The following CDH23 variants were observed in gnomAD, a reference collection of about 807,000 sequenced individuals.
The protein encoded by CDH23 is cadherin-23.
Under a neutral mutation model 317.1 loss-of-function variants are expected in CDH23, and 189 were observed. That is an observed-to-expected ratio of 0.60 (90% CI 0.53 to 0.67). The LOEUF is 0.67. CDH23 is among the 30% of genes least tolerant of loss of function. The pLI, the probability that CDH23 is intolerant of heterozygous loss-of-function variation, is 0.00. For synonymous variants in CDH23, 1,839 were observed against 1,876.8 expected (o/e 0.98, Z 0.52); for missense variants, 4,401 against 4,592.4 (o/e 0.96, Z 1.20).
chr10:71,516,753 G>A (rs1854353914), intron 6 of CDH23, among the ~76,000 whole-genome samples: 1 of 152,188 alleles, frequency 6.6e-6, no homozygotes, highest in Non-Finnish European at 1.5e-5. Flanking sequence ...CAAAGGGATG[G>A]AGCCAGGATT....
intron 38 of CDH23, chr10:71,761,622 C>T (rs1840387116): frequency 2.5e-6 from 4 of 1,600,934 alleles, no homozygotes; most frequent in Non-Finnish European, 3.4e-6. Context: ...AGCTCCATGG[C>T]ACCATGGACC....
chr10:71,524,412 G>A (rs1452649152), intron 6 of CDH23, among the ~76,000 whole-genome samples: 3 of 152,202 alleles, frequency 2.0e-5, no homozygotes, highest in African/African-American at 7.2e-5. Flanking sequence ...GCTCAGAAGT[G>A]CGGTTCGAGC....
At chr10:71,711,525 C>G (rs1431325025) in intron 27 of CDH23, among the ~76,000 whole-genome samples, 1 of 152,100 alleles carries the variant, frequency 6.6e-6, no homozygotes, top group Non-Finnish European at 1.5e-5. Context: ...CTGCCTGGGG[C>G]TGAGTCAGTG....
intron 3 of CDH23, among the ~76,000 whole-genome samples, chr10:71,503,336 G>GATA (rs1853443780): frequency 6.6e-6 from 1 of 152,252 alleles, no homozygotes; most frequent in Non-Finnish European, 1.5e-5. Flanking sequence ...AAGTGCTACT[G>GATA]ATTTGGGTGT....
intron 6 of CDH23, among the ~76,000 whole-genome samples, chr10:71,526,395 C>T (rs78603603): frequency 0.022 from 3,372 of 152,310 alleles, 135 homozygotes; most frequent in African/African-American, 0.076. Flanking sequence ...AGGGACTTCC[C>T]CCGTTTCTGA....
chr10:71,730,597 A>C lies in CDH23; in HGVS notation c.3708A>C (p.Arg1236=). Residue 1236 remains arginine, a synonymous_variant, in exon 31 of 70, where the codon CGA becomes CGC. Transcript: ENST00000224721. ...TSVIVVQATD[R]DSGDGGLVNY... ...TCATCGTGGTCCAAGCCACAGACCG[A>C]GACTCTGGTGAGGCTGGCAGGAGGA... is the stretch of plus-strand genomic sequence containing the variant. 1 of 1,613,880 alleles carries C rather than the reference A, an allele frequency of 6.2e-7. No homozygotes were observed. Among genetic ancestry groups the C allele is most frequent in the Non-Finnish European group, 8.5e-7 (1 of 1,179,894 alleles).
chr10:71,679,311 C>T, intron 16 of CDH23, 76 bp from the exon 17 acceptor site: 7 of 688,724 alleles, frequency 1.0e-5, no homozygotes, highest in Non-Finnish European at 1.8e-5. Context: ...TCTTCCCCAC[C>T]CTCCCAGCTG....
In CDH23 at chr10:71,809,966, G is replaced by T. The variant is rs369587122; in HGVS notation, c.8869G>T (p.Val2957Phe). 3.1e-6 allele frequency: 5 copies of T among 1,612,014 alleles called. No individual in the cohort carries two copies. The highest frequency in any genetic ancestry group is 4.2e-6 in the Non-Finnish European group (5 of 1,179,898). Residue 2957 changes from valine to phenylalanine, a missense_variant, in exon 61 of 70, where the codon GTC becomes TTC. Val to Phe is a conservative substitution (Grantham distance 50). Transcript: ENST00000224721. ...CTACATCCTGAGGGACGACCAGCGC[G>T]TCAAGATCGTCATTAACGAGATCCC... Reference protein sequence around the residue: ...GIYILRDDQRVKIVINEIPDR... With the variant: ...GIYILRDDQRFKIVINEIPDR...
chr10:71,788,851 C>A (rs1325757806), intron 44 of CDH23, 89 bp from the exon 45 acceptor site: 1 of 735,496 alleles, frequency 1.4e-6, no homozygotes, highest in East Asian at 2.5e-5. Context: ...CTCTGTGCCC[C>A]AATCCCCAAC....
chr10:71,510,826 C>T, intron 4 of CDH23, 128 bp from the exon 5 acceptor site: 2 of 837,492 alleles, frequency 2.4e-6, no homozygotes, highest in Non-Finnish European at 4.1e-6. Flanking sequence ...TTAGGGAAGC[C>T]TTTGGGTGCC....
At chr10:71,668,374 C>G (rs985620177) in intron 14 of CDH23, among the ~76,000 whole-genome samples, 4 of 152,186 alleles carry the variant, frequency 2.6e-5, no homozygotes, top group Admixed American at 1.3e-4. Flanking sequence ...ATCCCATGGC[C>G]GAGCTCTCAA....
At chr10:71,473,247 T>C (rs1405271664) in intron 3 of CDH23, among the ~76,000 whole-genome samples, 1 of 152,172 alleles carries the variant, frequency 6.6e-6, no homozygotes, top group African/African-American at 2.4e-5. Flanking sequence ...CCTGGAGACT[T>C]TGTCCTGGAC....
At chr10:71,805,767 T>G (rs376787454) in intron 55 of CDH23, 39 bp from the exon 56 acceptor site, 1 of 1,573,812 alleles carries the variant, frequency 6.4e-7, no homozygotes, top group Non-Finnish European at 8.6e-7. Context: ...TGAGATTCTT[T>G]CAGGGGTCCA....
intron 14 of CDH23, among the ~76,000 whole-genome samples, chr10:71,671,780 C>T (rs941888923): frequency 6.6e-6 from 1 of 152,208 alleles, no homozygotes; most frequent in Non-Finnish European, 1.5e-5. Context: ...GCTGTGAGAT[C>T]TTGAGCAAGT....
chr10:71,540,113 G>T (rs901427965), intron 6 of CDH23, among the ~76,000 whole-genome samples: 6 of 152,170 alleles, frequency 3.9e-5, no homozygotes, highest in African/African-American at 1.4e-4. Context: ...AGGATGTGGG[G>T]CATAGGCCAT....
chr10:71,510,318 C>T (rs1853893999), intron 4 of CDH23, 94 bp downstream of exon 4: 1 of 1,400,086 alleles, frequency 7.1e-7, no homozygotes, highest in Non-Finnish European at 9.8e-7. Flanking sequence ...GCGTCTTCCT[C>T]TAAGACCCCA....
At chr10:71,649,415 C>A (rs183604077) in intron 14 of CDH23, among the ~76,000 whole-genome samples, 10 of 152,230 alleles carry the variant, frequency 6.6e-5, no homozygotes, top group African/African-American at 2.2e-4. Context: ...GCGTCCCCAG[C>A]TCTCATCCTG....
intron 1 of CDH23, among the ~76,000 whole-genome samples, chr10:71,408,827 G>C (rs1848226746): frequency 6.6e-6 from 1 of 152,218 alleles, no homozygotes; most frequent in South Asian, 2.1e-4. Context: ...GAAAGGCCAG[G>C]TGTAGACATA....
intron 48 of CDH23, chr10:71,796,045 AGAGGAG>A (rs747095097): frequency 8.4e-5 from 83 of 986,356 alleles, no homozygotes; most frequent in South Asian, 1.4e-4. Flanking sequence ...GAGAGTAGGA[AGAGGAG>A]GAGGAGGAGG....
Sources: allele counts gnomAD v4.1 joint callset (sites outside exome capture counted in the v4.1 genomes callset), GRCh38; gene constraint gnomAD v4.1.1; transcripts MANE v1.5; gene names NCBI Gene and HGNC (gene_info 2026-07-23, HGNC 2026-07-21).